SCN2A: variants seen among roughly 807,000 people sequenced by gnomAD.
SCN2A encodes the protein sodium voltage-gated channel alpha subunit 2.
In SCN2A, 20 loss-of-function variants were observed where a neutral mutation model predicts 188.7. The ratio of observed to expected loss-of-function variants is 0.11; its 90% CI spans 0.07 to 0.15. The LOEUF (loss-of-function observed/expected upper bound fraction) is 0.15. SCN2A is among the 10% of genes least tolerant of loss of function. The pLI, the probability that SCN2A is intolerant of heterozygous loss-of-function variation, is 1.00. For synonymous variants in SCN2A, 804 were observed against 833.1 expected (o/e 0.97, Z 0.60); for missense variants, 1,278 against 2,445.0 (o/e 0.52, Z 10.07).
intron 1 of SCN2A, among the ~76,000 whole-genome samples, chr2:165,257,977 TG>T: frequency 6.8e-6 from 1 of 147,010 alleles, no homozygotes; most frequent in African/African-American, 2.6e-5. Context: ...ATTTTAATGG[TG>T]GTTTTGTTGT....
At chr2:165,357,692 T>C (rs1286127961) in intron 17 of SCN2A, among the ~76,000 whole-genome samples, 1 of 152,216 alleles carries the variant, frequency 6.6e-6, no homozygotes, top group African/African-American at 2.4e-5. Context: ...GTGGAAGCCA[T>C]GCTTGAATGA....
chr2:165,382,708 C>A (rs972999064), intron 25 of SCN2A, among the ~76,000 whole-genome samples: 28 of 152,198 alleles, frequency 1.8e-4, no homozygotes, highest in African/African-American at 6.5e-4. Context: ...GTTGGTTCCA[C>A]TATCATATAC....
At chr2:165,342,052 T>A (rs1299653895) in intron 14 of SCN2A, among the ~76,000 whole-genome samples, 6 of 152,226 alleles carry the variant, frequency 3.9e-5, no homozygotes, top group Non-Finnish European at 8.8e-5. Context: ...GCACCTTTCA[T>A]ATGAAAATAA....
rs754194943 is a variant in SCN2A at position 165,391,885 on chromosome 2, A to C, written c.*2061A>C. ...GTTATATTACCAGTTACAGCAAAAT[A>C]CTTTGTGTTTCACAAGCAACAATAA... is the stretch of plus-strand genomic sequence containing the variant. On this transcript the variant is annotated 3_prime_UTR_variant, in exon 27 of 27. Transcript: ENST00000375437. The C allele has an allele frequency of 6.6e-6, 1 of 152,492 alleles. No individual in the cohort carries two copies. The highest frequency in any genetic ancestry group is 1.5e-5 in the Non-Finnish European group (1 of 67,976). The allele number at this position is 152,492 out of a possible 1,614,324, so 9.4% of individuals were successfully genotyped here. A position where few individuals can be genotyped will look rare whatever the true frequency, so the allele number is the denominator to read the frequency against.
Position 165,323,450 on chromosome 2 carries a change from C to T in SCN2A, c.1966C>T (p.Leu656=), listed in dbSNP as rs748739874. ...TGTGGACTGCAATGGTGTGGTCTCCCTGGTCGGGGGCCCTTCTACCCTCAC... is the reference window on the plus strand; with the variant it reads ...TGTGGACTGCAATGGTGTGGTCTCCTTGGTCGGGGGCCCTTCTACCCTCAC... ...SAVDCNGVVS[L]VGGPSTLTSA... is the part of the protein sequence containing the mutation. Residue 656 remains leucine (L), a synonymous_variant, in exon 12 of 27, where the codon CTG becomes TTG. Transcript: ENST00000375437. 2 of 1,613,908 alleles carry T rather than the reference C, an allele frequency of 1.2e-6. No individual in the cohort carries two copies. The highest frequency in any genetic ancestry group is 1.7e-6 in the Non-Finnish European group (2 of 1,179,844).
chr2:165,376,699 G>GGTGTGT (rs59867116), intron 22 of SCN2A, among the ~76,000 whole-genome samples: 7 of 150,572 alleles, frequency 4.6e-5, no homozygotes, highest in African/African-American at 9.7e-5. Flanking sequence ...GTTGAAAAGG[G>GGTGTGT]GTGTGTGTGT....
chr2:165,253,434 G>A (rs1017869779), intron 1 of SCN2A, among the ~76,000 whole-genome samples: 13 of 152,030 alleles, frequency 8.6e-5, no homozygotes, highest in African/African-American at 3.1e-4. Context: ...GTCTTTTACA[G>A]CCTCTTTTAA....
chr2:165,389,386 T>G lies in SCN2A; in HGVS notation c.5580T>G (p.Ala1860=), dbSNP rs752845880. 18 of 1,613,872 alleles carry G rather than the reference T, an allele frequency of 1.1e-5. No homozygotes were observed. Among genetic ancestry groups the G allele is most frequent in the South Asian group, 9.9e-5 (9 of 91,078 alleles). ...TCCACTGTCTTGACATCTTATTTGC[T>G]TTTACAAAGCGTGTTTTGGGTGAGA... ...DRIHCLDILF[A]FTKRVLGESG... The change falls in exon 27 of 27, where the codon GCT becomes GCG. Residue 1860 remains alanine (A), a synonymous_variant. Transcript: ENST00000375437. This position sits in a 1 kb window ranked among gnomAD's most constrained non-coding sequence, Gnocchi z 4.2.
chr2:165,387,663 AG>A (rs1421761285), intron 26 of SCN2A, among the ~76,000 whole-genome samples: 1 of 152,162 alleles, frequency 6.6e-6, no homozygotes, highest in African/African-American at 2.4e-5. Context: ...ATATATATAC[AG>A]TGTTTATGTA....
intron 25 of SCN2A, among the ~76,000 whole-genome samples, chr2:165,385,515 A>G (rs1031337958): frequency 6.6e-6 from 1 of 152,156 alleles, no homozygotes; most frequent in Non-Finnish European, 1.5e-5. Context: ...TTAAAAGATA[A>G]TTTTATTCTT....
chr2:165,373,069 A>G, intron 20 of SCN2A, 156 bp from the exon 21 acceptor site: 1 of 741,940 alleles, frequency 1.3e-6, no homozygotes, highest in Non-Finnish European at 2.3e-6. Flanking sequence ...AAACTTACTA[A>G]GTCAGACTCT....
intron 20 of SCN2A, chr2:165,371,968 A>G (rs1482506878): frequency 2.6e-5 from 4 of 152,220 alleles, no homozygotes; most frequent in Admixed American, 1.3e-4. Flanking sequence ...TGAATATTTT[A>G]CAACTTCTTT....
rs1416065933 is a variant in SCN2A, at chr2:165,281,665, G to A, written c.-51-14108G>A. On this transcript the variant is annotated intron_variant, in intron 1 of 26. Coordinates refer to ENST00000375437, the MANE Select transcript of SCN2A (RefSeq NM_001040142.2). The stretch of plus-strand genomic sequence containing the variant: ...AGAGTTCTGAGCAGAATAGTGACTC[G>A]ACTGTTTTTGCGTTTCAAAGGAATC... 2.6e-5 allele frequency among the ~76,000 whole-genome samples: 4 copies of A among 152,028 alleles called. No individual in the cohort carries two copies. In the East Asian group the frequency reaches 7.7e-4, roughly 29 times the overall value.
At chr2:165,362,623 A>G (rs1329490672) in intron 17 of SCN2A, among the ~76,000 whole-genome samples, 2 of 152,188 alleles carry the variant, frequency 1.3e-5, no homozygotes, top group Non-Finnish European at 1.5e-5. Context: ...CCTTGTATTG[A>G]ACTATATTGG....
intron 11 of SCN2A, among the ~76,000 whole-genome samples, chr2:165,316,278 G>A (rs187168281): frequency 2.2e-3 from 328 of 152,298 alleles, no homozygotes; most frequent in Non-Finnish European, 3.9e-3. Flanking sequence ...GGCAGGTACT[G>A]AGGGAGATTT....
chr2:165,341,151 T>C (rs1699288999), intron 14 of SCN2A, among the ~76,000 whole-genome samples: 1 of 152,204 alleles, frequency 6.6e-6, no homozygotes, highest in Admixed American at 6.5e-5. Flanking sequence ...TGGAGTGCAG[T>C]GGCGCTATCT....
At chr2:165,267,476 C>G (rs1327287659) in intron 1 of SCN2A, 1 of 151,926 alleles carries the variant, frequency 6.6e-6, no homozygotes, top group East Asian at 1.9e-4. Context: ...TTATCTCACA[C>G]TATATACAAA....
intron 17 of SCN2A, 71 bp downstream of exon 17, chr2:165,354,742 T>G: frequency 6.8e-7 from 1 of 1,479,044 alleles, no homozygotes; most frequent in South Asian, 1.2e-5. Context: ...CAGGTGTTTT[T>G]AAATTGCGTG....
chr2:165,315,034 C>G (rs1263357143), intron 10 of SCN2A, among the ~76,000 whole-genome samples: 2 of 152,206 alleles, frequency 1.3e-5, no homozygotes, highest in African/African-American at 4.8e-5. Context: ...AAATACTTGA[C>G]TGAATTACAT....
Sources: gnomAD v4.1 joint callset for allele counts (sites outside exome capture counted in the v4.1 genomes callset) on GRCh38, gnomAD v4.1.1 for gene constraint, Gnocchi (gnomAD v3.1) non-coding constraint, MANE v1.5 for transcripts, NCBI Gene and HGNC (gene_info 2026-07-23, HGNC 2026-07-21) for gene names.